Variants in RGPD3 observed in about 807,000 individuals in gnomAD.
The protein encoded by RGPD3 is ranBP2-like and GRIP domain-containing protein 3.
Under a neutral mutation model 154.5 loss-of-function variants are expected in RGPD3, and 62 were observed. That is an observed-to-expected ratio of 0.40 (90% CI 0.33 to 0.50). The LOEUF is 0.50. Among genes scored for constraint, RGPD3 ranks in the 20% least tolerant of loss-of-function variants. The pLI is 0.59. For synonymous variants in RGPD3, 308 were observed against 607.0 expected (o/e 0.51, Z 7.24); for missense variants, 919 against 1,716.8 (o/e 0.54, Z 8.21).
At chr2:106,468,144 G>C (rs1678698538) in intron 1 of RGPD3, 73 bp downstream of exon 1, 1 of 1,524,316 alleles carries the variant, frequency 6.6e-7, no homozygotes, top group African/African-American at 1.4e-5. Context: ...GAGCCATCGA[G>C]GCCGCCGCCG....
upstream of RGPD3, among the ~76,000 whole-genome samples, chr2:106,468,767 C>T (rs570106445): frequency 7.1e-6 from 1 of 141,200 alleles, no homozygotes; most frequent in East Asian, 2.0e-4. Context: ...GATTGCCCCA[C>T]TGTACTCTAG....
chr2:106,413,532 T>A (rs913577452), intron 21 of RGPD3, among the ~76,000 whole-genome samples: 1 of 152,218 alleles, frequency 6.6e-6, no homozygotes, highest in Admixed American at 6.5e-5. Context: ...GTTTCAAAGC[T>A]GCATTTGCCT....
At chr2:106,466,900 C>G (rs372554680) in intron 1 of RGPD3, among the ~76,000 whole-genome samples, 1 of 97,290 alleles carries the variant, frequency 1.0e-5, no homozygotes, top group Non-Finnish European at 2.2e-5. Context: ...GGGTCGAGGC[C>G]GCCGCCTCCA....
intron 1 of RGPD3, among the ~76,000 whole-genome samples, chr2:106,466,922 AG>A: frequency 9.0e-6 from 1 of 111,670 alleles, no homozygotes; most frequent in Non-Finnish European, 1.9e-5. Context: ...AGAGCGCGCC[AG>A]GGAGCAGCGC....
At chr2:106,467,703 C>G (rs1201401001) in intron 1 of RGPD3, among the ~76,000 whole-genome samples, 2 of 119,992 alleles carry the variant, frequency 1.7e-5, no homozygotes, top group South Asian at 2.6e-4. Context: ...AGGCAGCCGC[C>G]GGGCCAGGTC....
chr2:106,424,328 T>G lies in RGPD3; in HGVS notation c.3639A>C (p.Gln1213His). 6.2e-7 allele frequency: 1 copy of G among 1,611,962 alleles called. No individual in the cohort carries two copies. The highest frequency in any genetic ancestry group is 8.5e-7 in the Non-Finnish European group (1 of 1,179,868). Reference protein sequence around the residue: ...KDFKTFLTNDQTKVAEEENKG... With the variant: ...KDFKTFLTNDHTKVAEEENKG... ...TATTTTCTTCCTCAGCGACTTTTGT[T>G]TGATCATTTGTCAAAAATGTTTTGA... is the stretch of plus-strand genomic sequence containing the variant. The change falls in exon 20 of 23, where the codon CAA becomes CAC. Residue 1213 changes from glutamine (Q) to histidine (H), a missense_variant. Coordinates refer to ENST00000409886, the MANE Select transcript of RGPD3 (RefSeq NM_001144013.2).
At chr2:106,449,740 G>T (rs370625902) in intron 6 of RGPD3, among the ~76,000 whole-genome samples, 1 of 151,504 alleles carries the variant, frequency 6.6e-6, no homozygotes, top group Middle Eastern at 3.2e-3. Context: ...GAGACCAGCC[G>T]GGCGCGGTGG....
At chr2:106,441,206 T>A (rs1573277306) in intron 8 of RGPD3, 87 bp downstream of exon 8, 1 of 1,578,074 alleles carries the variant, frequency 6.3e-7, no homozygotes, top group Non-Finnish European at 8.6e-7. Context: ...AATTATCTCC[T>A]GGACAGACTG....
Position 106,434,339 on chromosome 2 carries a change from A to C in RGPD3, c.2094T>G (p.Asp698Glu). The change falls in exon 15 of 23, where the codon GAT becomes GAG. Residue 698 changes from aspartate (D) to glutamate (E), a missense_variant. Physicochemically the swap from Asp to Glu is conservative, Grantham distance 45. Transcript: ENST00000409886. ...CTTCTTGTTCTTCAGGAGAAAGGGC[A>C]TCATTTGCAATGTCTTCTGCCTTCC... The part of the protein sequence containing the change: ...FHRKAEDIAN[D>E]ALSPEEQEEC... 1 of 1,611,148 alleles carries C rather than the reference A, an allele frequency of 6.2e-7. No individual in the cohort carries two copies. Among genetic ancestry groups the C allele is most frequent in the South Asian group, 1.1e-5 (1 of 90,930 alleles).
At chr2:106,460,841 A>T (rs1460363443) in intron 1 of RGPD3, among the ~76,000 whole-genome samples, 15 of 32,446 alleles carry the variant, frequency 4.6e-4, no homozygotes, top group African/African-American at 1.2e-3. Flanking sequence ...TCCATCTCAT[A>T]AAAAAAAAAA....
upstream of RGPD3, among the ~76,000 whole-genome samples, chr2:106,469,340 T>C (rs1344977210): frequency 6.6e-6 from 1 of 151,080 alleles, no homozygotes; most frequent in African/African-American, 2.4e-5. Context: ...GCTTATAGAA[T>C]TCTAAAAAAG....
At chr2:106,462,199 T>C (rs1678426280) in intron 1 of RGPD3, among the ~76,000 whole-genome samples, 1 of 151,988 alleles carries the variant, frequency 6.6e-6, no homozygotes, top group African/African-American at 2.4e-5. Context: ...CTTTTCAAAA[T>C]GAAGAAATAG....
Position 106,424,321 on chromosome 2 carries a change from C to G in RGPD3, c.3646G>C (p.Val1216Leu), listed in dbSNP as rs757523584. The change falls in exon 20 of 23, where the codon GTC becomes CTC. Residue 1216 changes from valine to leucine, a missense_variant. Physicochemically the swap from Val to Leu is conservative, Grantham distance 32. Transcript: ENST00000409886. ...GAACCCTTATTTTCTTCCTCAGCGA[C>G]TTTTGTTTGATCATTTGTCAAAAAT... ...KTFLTNDQTKVAEEENKGSGT... is the reference protein window; with the variant it reads ...KTFLTNDQTKLAEEENKGSGT... 9.3e-6 allele frequency: 15 copies of G among 1,611,820 alleles called. No homozygotes were observed. In the East Asian group the frequency reaches 1.1e-4, roughly 12 times the overall value.
intron 21 of RGPD3, among the ~76,000 whole-genome samples, chr2:106,414,336 A>G (rs1290759591): frequency 1.3e-5 from 2 of 152,216 alleles, no homozygotes; most frequent in African/African-American, 4.8e-5. Context: ...TGAAAATATA[A>G]CATTTGGCCA....
intron 22 of RGPD3, among the ~76,000 whole-genome samples, chr2:106,409,718 C>G (rs1676611335): frequency 6.6e-6 from 1 of 151,044 alleles, no homozygotes; most frequent in South Asian, 2.1e-4. Context: ...AGATTTCCAG[C>G]CATTCTCTTC....
At chr2:106,470,306 CT>C (rs1433083984), upstream of RGPD3, among the ~76,000 whole-genome samples, 1 of 152,238 alleles carries the variant, frequency 6.6e-6, no homozygotes, top group Non-Finnish European at 1.5e-5. Flanking sequence ...TCCGCATTAT[CT>C]AGCCTTCCTG....
In RGPD3 at chr2:106,468,364, A is replaced by C; in HGVS notation, c.-76T>G. 9.0e-6 allele frequency: 14 copies of C among 1,548,248 alleles called. No homozygotes were observed. The highest frequency in any genetic ancestry group is 1.2e-5 in the Non-Finnish European group (14 of 1,146,042). Reference sequence around the variant, plus strand: ...CAGCAGTCGCCAATTCCAAGAGGAAAGCGCCTGAAAGCCACTGAGGCAGCG... The same window carrying C: ...CAGCAGTCGCCAATTCCAAGAGGAACGCGCCTGAAAGCCACTGAGGCAGCG... On this transcript the variant is annotated 5_prime_UTR_variant, in exon 1 of 23. Transcript: ENST00000409886.
At position 106,426,070 on chromosome 2, in the gene RGPD3, G is replaced by T; in HGVS notation, c.2624C>A (p.Ser875Ter). Residue 875 changes from serine (S) to a stop codon, truncating the protein, a stop_gained, in exon 19 of 23, where the codon TCA becomes TAA. Transcript: ENST00000409886. LOFTEE classifies it high-confidence loss of function. ...APLTVATTGP[S>*]VYYSQSPAYN... ...TGCTGGTGACTGACTATAATATACT[G>T]AAGGGCCAGTAGTTGCAACTAAAAA... 1.3e-6 allele frequency: 2 copies of T among 1,589,772 alleles called. No homozygotes were observed. The highest frequency in any genetic ancestry group is 1.7e-6 in the Non-Finnish European group (2 of 1,177,682).
intron 21 of RGPD3, among the ~76,000 whole-genome samples, chr2:106,414,434 C>T (rs1016604547): frequency 3.3e-5 from 5 of 151,744 alleles, no homozygotes; most frequent in African/African-American, 1.2e-4. Flanking sequence ...CCATCCTGGC[C>T]AACATGGTGA....
Sources: allele counts gnomAD v4.1 joint callset (sites outside exome capture counted in the v4.1 genomes callset), GRCh38; gene constraint gnomAD v4.1.1; transcripts MANE v1.5; gene names NCBI Gene and HGNC (gene_info 2026-07-23, HGNC 2026-07-21).